Variants in ANKS3 observed in about 807,000 individuals in gnomAD.
ANKS3 encodes the protein ankyrin repeat and sterile alpha motif domain containing 3.
ANKS3 carries 62 observed loss-of-function variants against 80.7 expected under a neutral mutation model. The ratio of observed to expected loss-of-function variants is 0.77; its 90% CI spans 0.63 to 0.95. The LOEUF is 0.95. Ranked by LOEUF, ANKS3 falls within the 40% of genes least tolerant of loss-of-function variation. The pLI, the probability that ANKS3 is intolerant of heterozygous loss-of-function variation, is 0.00. For synonymous variants in ANKS3, 489 were observed against 355.3 expected, an observed-to-expected ratio of 1.38 and a Z score of -4.23; for missense variants, 1,150 against 883.6, an observed-to-expected ratio of 1.30 and a Z score of -3.82.
At chr16:4,732,044 C>T (rs2081646354) in intron 1 of ANKS3, among the ~76,000 whole-genome samples, 1 of 152,120 alleles carries the variant, frequency 6.6e-6, no homozygotes, top group Non-Finnish European at 1.5e-5. Context: ...TGCTTCCAAG[C>T]CCCAGGTGAC....
chr16:4,705,232 G>A lies in ANKS3; in HGVS notation c.731C>T (p.Ser244Phe). The A allele has an allele frequency of 6.2e-7, 1 of 1,614,004 alleles. No individual in the cohort carries two copies. The highest frequency in any genetic ancestry group is 8.5e-7 in the Non-Finnish European group (1 of 1,180,032). ...RSPEKYEDLS[S>F]SDESCPAPQR... Reference sequence around the variant, plus strand: ...AGGAGCAGGGCAGGACTCGTCAGAAGAGCTCAGATCTTCGTACTTTTCTGT... The same window carrying A: ...AGGAGCAGGGCAGGACTCGTCAGAAAAGCTCAGATCTTCGTACTTTTCTGT... The change falls in exon 8 of 18, where the codon TCT (serine) becomes TTT (phenylalanine). Residue 244 changes from serine (S) to phenylalanine (F), a missense_variant. By Grantham distance (155) the Ser-to-Phe change is radical (BLOSUM62 -2). Transcript: ENST00000304283.
chr16:4,732,320 C>G (rs2081664764), intron 1 of ANKS3, among the ~76,000 whole-genome samples: 1 of 152,130 alleles, frequency 6.6e-6, no homozygotes, highest in Non-Finnish European at 1.5e-5. Context: ...CCATACCTCC[C>G]TCAAGCCTTC....
At chr16:4,706,956 G>A (rs930239437) in intron 7 of ANKS3, among the ~76,000 whole-genome samples, 4 of 152,192 alleles carry the variant, frequency 2.6e-5, no homozygotes, top group Non-Finnish European at 5.9e-5. Flanking sequence ...CTGAACGTGG[G>A]CCACTCTGTC....
chr16:4,713,335 G>A (rs1279806358), intron 7 of ANKS3, among the ~76,000 whole-genome samples: 1 of 151,648 alleles, frequency 6.6e-6, no homozygotes. Flanking sequence ...GCAGTGAAAC[G>A]ATATAATGAC....
chr16:4,704,245 C>G (rs920645003), intron 8 of ANKS3, among the ~76,000 whole-genome samples: 7 of 152,168 alleles, frequency 4.6e-5, no homozygotes, highest in African/African-American at 1.7e-4. Flanking sequence ...TCTGCTTGTT[C>G]CTGGGGTCTA....
chr16:4,714,869 A>G (rs1190663334), intron 6 of ANKS3, among the ~76,000 whole-genome samples: 1 of 151,496 alleles, frequency 6.6e-6, no homozygotes, highest in African/African-American at 2.4e-5. Flanking sequence ...GTGAACGCCT[A>G]TAGTCTCAGC....
At chr16:4,700,418 A>G in intron 11 of ANKS3, 1 of 209,834 alleles carries the variant, frequency 4.8e-6, no homozygotes, top group South Asian at 6.9e-5. Flanking sequence ...CTCCGTCTCG[A>G]ACAAACAAAC....
At chr16:4,733,398 T>A (rs145172255) in intron 1 of ANKS3, among the ~76,000 whole-genome samples, 4 of 152,000 alleles carry the variant, frequency 2.6e-5, no homozygotes, top group Admixed American at 1.3e-4. Flanking sequence ...TTCAAGCGAT[T>A]CTCCTGCCTC....
chr16:4,710,478 C>T (rs763729723), intron 7 of ANKS3, among the ~76,000 whole-genome samples: 7 of 152,106 alleles, frequency 4.6e-5, no homozygotes, highest in East Asian at 1.9e-4. Flanking sequence ...GAGGCTGAGG[C>T]GGGTGGATTG....
At position 4,698,161 on chromosome 16, in the gene ANKS3, C is replaced by T. The variant is rs976011217; in HGVS notation, c.1725-99G>A. The T allele has an allele frequency of 3.6e-6, 5 of 1,375,534 alleles. No homozygotes were observed. The African/African-American group carries it at 4.4e-5, about 12-fold the overall frequency. The allele number at this position is 1,375,534 out of a possible 1,614,324, so 85.2% of individuals were successfully genotyped here. A position where few individuals can be genotyped will look rare whatever the true frequency, so the allele number is the denominator to read the frequency against. On this transcript the variant is annotated intron_variant, in intron 14 of 17. Transcript: ENST00000304283. The stretch of plus-strand genomic sequence containing the variant: ...AGGGGAGGGAGGGGCTCAGCCCTGT[C>T]CTTGCAGCTGGCCCTCATGGGCTGG...
At chr16:4,718,366 C>G (rs549711476) in intron 6 of ANKS3, among the ~76,000 whole-genome samples, 4 of 152,276 alleles carry the variant, frequency 2.6e-5, no homozygotes, top group African/African-American at 9.6e-5. Context: ...ACAAGACTAT[C>G]CGGAAGGCAC....
rs539192044 is a variant in ANKS3 at position 4,700,868 on chromosome 16, TCTC to T, written c.1284+99_1284+101del. On this transcript the variant is annotated intron_variant, in intron 11 of 17. Coordinates refer to ENST00000304283, the MANE Select transcript of ANKS3 (RefSeq NM_133450.4). Reference sequence around the variant, plus strand: ...CATGGGGATGCCACCGCCATTCTGTTCTCCTAGCAGCGCCTGGCACGTCATATA... The same window carrying T: ...CATGGGGATGCCACCGCCATTCTGTTCTAGCAGCGCCTGGCACGTCATATA... 3.8e-4 allele frequency: 552 copies of T among 1,466,222 alleles called. 3 individuals carry two copies. The African/African-American group carries it at 7.0e-3, about 19-fold the overall frequency. The allele number at this position is 1,466,222 out of a possible 1,614,324, so 90.8% of individuals were successfully genotyped here.
At chr16:4,699,386 G>T in intron 11 of ANKS3, 1 of 621,154 alleles carries the variant, frequency 1.6e-6, no homozygotes, top group Non-Finnish European at 2.8e-6. Flanking sequence ...TCGGCCACGT[G>T]GGGACAATGT....
intron 6 of ANKS3, among the ~76,000 whole-genome samples, chr16:4,715,673 C>A (rs1001549656): frequency 6.6e-6 from 1 of 152,168 alleles, no homozygotes; most frequent in Non-Finnish European, 1.5e-5. Flanking sequence ...AAAAATTACA[C>A]AGAAAACAAT....
At position 4,699,089 on chromosome 16, in the gene ANKS3, T is replaced by A; in HGVS notation, c.1372A>T (p.Thr458Ser). 8 of 1,613,948 alleles carry A rather than the reference T, an allele frequency of 5.0e-6. No individual in the cohort carries two copies. The highest frequency in any genetic ancestry group is 6.8e-6 in the Non-Finnish European group (8 of 1,179,994). ...EQDVDLRIFL[T>S]LTESDLKEIG... ...TCCTTCAGGTCGCTCTCAGTGAGGG[T>A]CAGAAAGATGCGGAGGTCCACGTCC... Residue 458 changes from threonine (T) to serine (S), a missense_variant, in exon 12 of 18, where the codon ACC becomes TCC. Coordinates refer to ENST00000304283, the MANE Select transcript of ANKS3 (RefSeq NM_133450.4).
chr16:4,699,203 G>A, intron 11 of ANKS3, 27 bp from the exon 12 acceptor site: 1 of 1,612,662 alleles, frequency 6.2e-7, no homozygotes, highest in Non-Finnish European at 8.5e-7. Context: ...ACAGGTTGGG[G>A]GAGGTAGTGG....
chr16:4,698,720 C>T (rs191530760), intron 13 of ANKS3, 80 bp downstream of exon 13: 4 of 1,547,736 alleles, frequency 2.6e-6, no homozygotes, highest in South Asian at 2.5e-5. Flanking sequence ...CCCCTCCACA[C>T]AGCACCCACC....
rs750766448 is a variant in ANKS3 at position 4,698,611 on chromosome 16, TG to T, written c.1552-13del. The stretch of plus-strand genomic sequence containing the variant: ...ACCTCCTCGCAGCGCTGCAGGGGGG[TG>T]GGGGGCGCGGGGAGGCTGGGAGGTG... On this transcript the variant is annotated splice_polypyrimidine_tract_variant and intron_variant, in intron 13 of 17. Coordinates refer to ENST00000304283, the MANE Select transcript of ANKS3 (RefSeq NM_133450.4). The T allele has an allele frequency of 4.5e-5, 69 of 1,542,722 alleles. No individual in the cohort carries two copies. The South Asian group carries it at 7.4e-4, about 16-fold the overall frequency.
Position 4,699,191 on chromosome 16 carries a change from G to A in ANKS3, c.1285-15C>T, listed in dbSNP as rs766039619. On this transcript the variant is annotated splice_polypyrimidine_tract_variant and intron_variant, in intron 11 of 17. Transcript: ENST00000304283. Reference sequence around the variant, plus strand: ...GCGGCAAGGTCCTGGCAGGCACAGGGGACAGGTTGGGGGAGGTAGTGGCTG... The same window carrying A: ...GCGGCAAGGTCCTGGCAGGCACAGGAGACAGGTTGGGGGAGGTAGTGGCTG... 7 of 1,613,552 alleles carry A rather than the reference G, an allele frequency of 4.3e-6. No individual in the cohort carries two copies. Among genetic ancestry groups the A allele is most frequent in the Non-Finnish European group, 5.1e-6 (6 of 1,179,862 alleles).
Sources: allele counts gnomAD v4.1 joint callset (sites outside exome capture counted in the v4.1 genomes callset), GRCh38; gene constraint gnomAD v4.1.1; transcripts MANE v1.5; gene names NCBI Gene and HGNC (gene_info 2026-07-23, HGNC 2026-07-21).